MAST4: variants seen among roughly 807,000 people sequenced by gnomAD.
MAST4 encodes microtubule associated serine/threonine kinase family member 4, also known as microtubule-associated serine/threonine-protein kinase 4.
In MAST4, 89 loss-of-function variants were observed where a neutral mutation model predicts 162.7. That is an observed-to-expected ratio of 0.55 (90% CI 0.46 to 0.65). MAST4 has a LOEUF of 0.65. Among genes scored for constraint, MAST4 ranks in the 30% least tolerant of loss-of-function variants. The pLI, the probability that MAST4 is intolerant of heterozygous loss-of-function variation, is 0.00. For synonymous variants in MAST4, 1,479 were observed against 1,361.1 expected (o/e 1.09, Z -1.91); for missense variants, 3,153 against 3,374.0 (o/e 0.93, Z 1.62).
Position 67,165,231 on chromosome 5 carries a change from G to T in MAST4, c.6052G>T (p.Val2018Leu), listed in dbSNP as rs755426473. 1 of 1,612,522 alleles carries T rather than the reference G, an allele frequency of 6.2e-7. No individual in the cohort carries two copies. Among genetic ancestry groups the T allele is most frequent in the Non-Finnish European group, 8.5e-7 (1 of 1,179,402 alleles). The change falls in exon 29 of 29, where the codon GTG becomes TTG. Residue 2018 changes from valine (V) to leucine (L), a missense_variant. Around this residue, in one of 7 missense-constraint regions of MAST4, gnomAD observed 1,644 missense variants for 1,495.0 expected, o/e 1.10. Transcript: ENST00000403625. ...TSDNSKNLLS[V>L]GRTHPDFYTQ... Reference sequence around the variant, plus strand: ...TGACAACTCCAAAAATCTCCTCTCTGTGGGAAGGACCCACCCAGATTTCTA... The same window carrying T: ...TGACAACTCCAAAAATCTCCTCTCTTTGGGAAGGACCCACCCAGATTTCTA...
At chr5:67,005,320 A>G (rs1295349204) in intron 4 of MAST4, among the ~76,000 whole-genome samples, 1 of 152,180 alleles carries the variant, frequency 6.6e-6, no homozygotes, top group Non-Finnish European at 1.5e-5. Context: ...TGAAATGTGG[A>G]TAATAAGACA....
At chr5:66,648,083 TGAGAGAGA>T (rs375744842) in intron 1 of MAST4, among the ~76,000 whole-genome samples, 136 of 87,164 alleles carry the variant, frequency 1.6e-3, no homozygotes, top group Non-Finnish European at 2.6e-3. Flanking sequence ...TGTGTGTGTG[TGAGAGAGA>T]GAGAGAGAGA....
chr5:66,601,818 G>A (rs1420224085), intron 1 of MAST4, among the ~76,000 whole-genome samples: 2 of 152,142 alleles, frequency 1.3e-5, no homozygotes, highest in African/African-American at 4.8e-5. Flanking sequence ...GAAGTGACAT[G>A]ATCAGATTTG....
chr5:66,709,420 A>C (rs1468985189), intron 1 of MAST4, among the ~76,000 whole-genome samples: 1 of 152,098 alleles, frequency 6.6e-6, no homozygotes, highest in Admixed American at 6.5e-5. Flanking sequence ...GGCTCAAGCA[A>C]TCTTCCTGAC....
intron 5 of MAST4, among the ~76,000 whole-genome samples, chr5:67,056,112 G>A (rs1758782839): frequency 1.3e-5 from 2 of 151,300 alleles, no homozygotes; most frequent in East Asian, 1.9e-4. Flanking sequence ...AGAGCCTAAA[G>A]CAAAACATGG....
chr5:67,126,014 A>G (rs1000989658), intron 14 of MAST4, among the ~76,000 whole-genome samples: 1 of 151,920 alleles, frequency 6.6e-6, no homozygotes, highest in African/African-American at 2.4e-5. Context: ...GCTTTTTTTC[A>G]TATGTTTGTT....
At chr5:66,760,316 G>A (rs33726) in intron 2 of MAST4, among the ~76,000 whole-genome samples, 115,607 of 151,522 alleles carry the variant, frequency 0.76, 45,101 homozygotes, top group Non-Finnish European at 0.85. Context: ...GGGTTTCACC[G>A]TGTTGGCCAA....
At chr5:67,127,839 A>C (rs759085832) in intron 14 of MAST4, among the ~76,000 whole-genome samples, 2 of 152,224 alleles carry the variant, frequency 1.3e-5, no homozygotes, top group Non-Finnish European at 2.9e-5. Flanking sequence ...AAGTTGGTCA[A>C]AGTAGGAAAT....
chr5:67,004,808 G>A, intron 4 of MAST4: 1 of 575,738 alleles, frequency 1.7e-6, no homozygotes, highest in Non-Finnish European at 3.1e-6. Context: ...GGACGGGACG[G>A]GTACTTCTCA....
intron 3 of MAST4, among the ~76,000 whole-genome samples, chr5:66,868,788 A>G (rs1452782533): frequency 6.6e-6 from 1 of 152,184 alleles, no homozygotes; most frequent in Non-Finnish European, 1.5e-5. Context: ...ATTACATAAA[A>G]TGGACACCAG....
intron 2 of MAST4, among the ~76,000 whole-genome samples, chr5:66,777,141 A>C (rs908076351): frequency 6.6e-6 from 1 of 152,212 alleles, no homozygotes; most frequent in African/African-American, 2.4e-5. Context: ...AAATGGTGAA[A>C]GGAGGATGCA....
At chr5:66,659,393 G>T (rs2149458338) in intron 1 of MAST4, among the ~76,000 whole-genome samples, 1 of 152,332 alleles carries the variant, frequency 6.6e-6, no homozygotes, top group South Asian at 2.1e-4. Flanking sequence ...GTTGCCATAT[G>T]TATCCATCTC....
At chr5:67,036,966 C>G (rs1198079316) in intron 4 of MAST4, among the ~76,000 whole-genome samples, 1 of 152,078 alleles carries the variant, frequency 6.6e-6, no homozygotes, top group Admixed American at 6.5e-5. Context: ...GTCTTTTGTT[C>G]ATTGTCATCC....
At chr5:66,706,949 C>G (rs1483991028) in intron 1 of MAST4, among the ~76,000 whole-genome samples, 1 of 152,184 alleles carries the variant, frequency 6.6e-6, no homozygotes, top group East Asian at 1.9e-4. Context: ...AGTCAAGAAA[C>G]TGCGGATGCC....
At position 67,049,023 on chromosome 5, in the gene MAST4, G is replaced by GTATATATATATACACGTATATA. The variant is rs1554087410; in HGVS notation, c.675-5369_675-5368insCACGTATATATATATATATATA. On this transcript the variant is annotated intron_variant, in intron 4 of 28. Coordinates refer to ENST00000403625, the MANE Select transcript of MAST4 (RefSeq NM_001164664.2). ...TATACACACACATATATATATATAC[G>GTATATATATATACACGTATATA]TATATATATATATATATACGTGTAT... Among the ~76,000 whole-genome samples, 514 of 84,918 alleles carry GTATATATATATACACGTATATA rather than the reference G, an allele frequency of 6.1e-3. 1 individual carries two copies. Among genetic ancestry groups the GTATATATATATACACGTATATA allele is most frequent in the Non-Finnish European group, 9.0e-3 (383 of 42,454 alleles). 55.7% of individuals were successfully genotyped at this position (84,918 alleles called of 152,430 possible).
At chr5:67,035,729 A>G (rs1195262223) in intron 4 of MAST4, among the ~76,000 whole-genome samples, 1 of 152,112 alleles carries the variant, frequency 6.6e-6, no homozygotes, top group Admixed American at 6.5e-5. Context: ...TCTATCCCCA[A>G]GCCACACAAT....
chr5:66,878,378 G>A (rs1215859217), intron 3 of MAST4, among the ~76,000 whole-genome samples: 1 of 152,220 alleles, frequency 6.6e-6, no homozygotes, highest in Non-Finnish European at 1.5e-5. Context: ...ATCATGTTGT[G>A]TTTTGGGGCT....
At chr5:66,659,572 T>C (rs1317816262) in intron 1 of MAST4, among the ~76,000 whole-genome samples, 1 of 152,206 alleles carries the variant, frequency 6.6e-6, no homozygotes, top group African/African-American at 2.4e-5. Flanking sequence ...TCAGTTTAGG[T>C]TTTTGTAGAT....
chr5:67,084,163 C>T (rs1471271506), intron 5 of MAST4, among the ~76,000 whole-genome samples: 2 of 152,208 alleles, frequency 1.3e-5, no homozygotes, highest in African/African-American at 4.8e-5. Context: ...TTGGGTCTCT[C>T]TTCCACGCCC....
Sources: gnomAD v4.1 joint callset for allele counts (sites outside exome capture counted in the v4.1 genomes callset) on GRCh38, gnomAD v4.1.1 for gene constraint, gnomAD v4.1.1 regional missense constraint, MANE v1.5 for transcripts, NCBI Gene and HGNC (gene_info 2026-07-23, HGNC 2026-07-21) for gene names.